YLPM1: variants seen among roughly 807,000 people sequenced by gnomAD.
YLPM1 encodes the protein YLP motif-containing protein 1.
Under a neutral mutation model 230.0 loss-of-function variants are expected in YLPM1, and 99 were observed. That is an observed-to-expected ratio of 0.43 (90% CI 0.37 to 0.51). The LOEUF (loss-of-function observed/expected upper bound fraction) is 0.51. Ranked by LOEUF, YLPM1 falls within the 20% of genes least tolerant of loss-of-function variation. The probability of loss-of-function intolerance (pLI) is 0.00; values close to 1 mark genes in which losing one functional copy is unlikely to be tolerated. For missense variants in YLPM1, 2,592 were observed against 2,707.7 expected, an observed-to-expected ratio of 0.96 and a Z score of 0.95; for synonymous variants, 984 against 942.5, an observed-to-expected ratio of 1.04 and a Z score of -0.81.
At chr14:74,775,635 TG>T (rs1477043781) in intron 1 of YLPM1, among the ~76,000 whole-genome samples, 1 of 152,212 alleles carries the variant, frequency 6.6e-6, no homozygotes, top group Non-Finnish European at 1.5e-5. Flanking sequence ...TTATATTTGA[TG>T]GAATTGTTAT....
intron 6 of YLPM1, among the ~76,000 whole-genome samples, chr14:74,805,134 C>T (rs1002301926): frequency 1.3e-5 from 2 of 151,808 alleles, no homozygotes; most frequent in African/African-American, 4.8e-5. Flanking sequence ...ATTCTCCTGC[C>T]TCAGCCTCCC....
chr14:74,832,337 A>G (rs2091613423), intron 19 of YLPM1, among the ~76,000 whole-genome samples: 1 of 152,212 alleles, frequency 6.6e-6, no homozygotes, highest in South Asian at 2.1e-4. Flanking sequence ...GAGTCCTCTT[A>G]AGGAGCTGAC....
chr14:74,827,802 C>G, intron 18 of YLPM1: 2 of 985,316 alleles, frequency 2.0e-6, no homozygotes, highest in Non-Finnish European at 2.4e-6. Context: ...AATACCATAA[C>G]CTGTGTCCCT....
At chr14:74,819,819 CT>C (rs2091507060) in intron 16 of YLPM1, among the ~76,000 whole-genome samples, 1 of 152,112 alleles carries the variant, frequency 6.6e-6, no homozygotes, top group Admixed American at 6.5e-5. Flanking sequence ...TTTCCTTTTA[CT>C]TTTTTGGCTA....
chr14:74,763,559 C>G lies in YLPM1; in HGVS notation c.70C>G (p.Pro24Ala), dbSNP rs1439398804. 6.4e-7 allele frequency: 1 copy of G among 1,559,122 alleles called. No homozygotes were observed. Among genetic ancestry groups the G allele is most frequent in the Non-Finnish European group, 8.7e-7 (1 of 1,151,288 alleles). Residue 24 changes from proline (P) to alanine (A), a missense_variant, in exon 1 of 21, where the codon CCA becomes GCA. By Grantham distance (27) the Pro-to-Ala change is conservative. Coordinates refer to ENST00000325680, the MANE Select transcript of YLPM1 (RefSeq NM_019589.3). Reference protein sequence around the residue: ...YPPPPVPPPPPVALPEASPGP... With the variant: ...YPPPPVPPPPAVALPEASPGP... Reference sequence around the variant, plus strand: ...GCCGCCACCGGTCCCACCGCCGCCGCCAGTGGCGCTTCCTGAGGCCTCGCC... The same window carrying G: ...GCCGCCACCGGTCCCACCGCCGCCGGCAGTGGCGCTTCCTGAGGCCTCGCC...
intron 6 of YLPM1, among the ~76,000 whole-genome samples, chr14:74,803,883 C>G (rs192397855): frequency 3.3e-5 from 5 of 152,224 alleles, no homozygotes; most frequent in Admixed American, 3.3e-4. Flanking sequence ...CTCGGCCAGG[C>G]GCGGTGGCTC....
rs768587141 is a variant in YLPM1 at position 74,798,746 on chromosome 14, C to G, written c.3449C>G (p.Pro1150Arg). ...GSRERGPPRG[P>R]GSRERGLGRS... The stretch of plus-strand genomic sequence containing the variant: ...AGGGAGAGAGGACCACCTCGAGGGC[C>G]TGGCAGTCGAGAAAGGGGACTGGGA... The change falls in exon 5 of 21, where the codon CCT (proline) becomes CGT (arginine). Residue 1150 changes from proline (P) to arginine (R), a missense_variant. Physicochemically the swap from Pro to Arg is moderately radical, Grantham distance 103. This residue lies in a region of YLPM1 where 1,862 missense variants were observed against 1,819.8 expected (regional missense o/e 1.02). Coordinates refer to ENST00000325680, the MANE Select transcript of YLPM1 (RefSeq NM_019589.3). 4.3e-6 allele frequency: 7 copies of G among 1,613,118 alleles called. No homozygotes were observed. The highest frequency in any genetic ancestry group is 5.9e-6 in the Non-Finnish European group (7 of 1,179,454).
At chr14:74,772,396 C>T (rs1225078732) in intron 1 of YLPM1, among the ~76,000 whole-genome samples, 1 of 150,814 alleles carries the variant, frequency 6.6e-6, no homozygotes, top group African/African-American at 2.4e-5. Flanking sequence ...CTCGCTCTCA[C>T]CCAGGCTGAA....
intron 4 of YLPM1, among the ~76,000 whole-genome samples, chr14:74,788,710 G>A (rs986660986): frequency 6.6e-6 from 1 of 152,066 alleles, no homozygotes; most frequent in African/African-American, 2.4e-5. Context: ...AGGCTTGGTG[G>A]CATGTGCCTG....
chr14:74,788,353 C>T (rs1050774206), intron 4 of YLPM1, among the ~76,000 whole-genome samples: 3 of 152,130 alleles, frequency 2.0e-5, no homozygotes, highest in African/African-American at 7.2e-5. Flanking sequence ...ATCTCCTGGC[C>T]TCGTGATCCA....
chr14:74,809,965 C>T lies in YLPM1; in HGVS notation c.4995C>T (p.Arg1665=), dbSNP rs374578792. Residue 1665 remains arginine (R), a synonymous_variant, in exon 8 of 21, where the codon CGC becomes CGT. Coordinates refer to ENST00000325680, the MANE Select transcript of YLPM1 (RefSeq NM_019589.3). The part of the protein sequence containing the change: ...QIPYGERITL[R]PDPLPERSTF... ...CTTATGGAGAAAGAATAACTCTACG[C>T]CCAGATCCACTACCTGAAAGATCAA... 1.1e-5 allele frequency: 17 copies of T among 1,609,098 alleles called. No homozygotes were observed. Among genetic ancestry groups the T allele is most frequent in the Middle Eastern group, 1.6e-4 (1 of 6,082 alleles).
Position 74,796,770 on chromosome 14 carries a change from T to C in YLPM1, c.2283-810T>C, listed in dbSNP as rs185940165. On this transcript the variant is annotated intron_variant, in intron 4 of 20. Transcript: ENST00000325680. ...TGTTTCTTTTTTTTTTTTTTTTAAC[T>C]TTTGTCAATCAAAATGTTAGTGCTA... Among the ~76,000 whole-genome samples the C allele has an allele frequency of 3.6e-3, 549 of 151,638 alleles. 2 individuals are homozygous for C. The highest frequency in any genetic ancestry group is 0.013 in the African/African-American group (524 of 41,418).
At chr14:74,782,825 G>C (rs1214898180) in intron 4 of YLPM1, among the ~76,000 whole-genome samples, 1 of 152,036 alleles carries the variant, frequency 6.6e-6, no homozygotes. Flanking sequence ...CTTGTACTTA[G>C]AGCAGTGAAT....
intron 1 of YLPM1, among the ~76,000 whole-genome samples, chr14:74,768,665 T>TA (rs1212620192): frequency 6.6e-6 from 1 of 152,260 alleles, no homozygotes; most frequent in Non-Finnish European, 1.5e-5. Context: ...TTTAAATACT[T>TA]ACGGACTAGC....
intron 6 of YLPM1, among the ~76,000 whole-genome samples, chr14:74,808,474 A>G (rs146209035): frequency 1.1e-4 from 17 of 152,240 alleles, no homozygotes; most frequent in African/African-American, 4.1e-4. Context: ...TTTCTTGGAT[A>G]GATACCGAGA....
intron 19 of YLPM1, among the ~76,000 whole-genome samples, chr14:74,830,201 G>A (rs1387192643): frequency 2.6e-5 from 4 of 152,148 alleles, no homozygotes; most frequent in Admixed American, 6.6e-5. Flanking sequence ...ACAGTGATGA[G>A]GCAGCAGAAA....
chr14:74,764,459 A>T (rs2090891277), intron 1 of YLPM1, 97 bp downstream of exon 1: 1 of 1,384,338 alleles, frequency 7.2e-7, no homozygotes, highest in Non-Finnish European at 9.6e-7. Context: ...ATTCCAACAC[A>T]CAATGACTAG....
chr14:74,821,314 A>G, intron 17 of YLPM1, 177 bp downstream of exon 17: 2 of 936,632 alleles, frequency 2.1e-6, no homozygotes, highest in Middle Eastern at 3.2e-4. Flanking sequence ...AGACCAAAAG[A>G]ACCCTCTAAT....
At chr14:74,824,144 A>T in intron 17 of YLPM1, 112 bp from the exon 18 acceptor site, 3 of 977,414 alleles carry the variant, frequency 3.1e-6, no homozygotes, top group Non-Finnish European at 4.7e-6. Flanking sequence ...ATTTACAGCT[A>T]GTCAGTGGAA....
Sources: allele counts gnomAD v4.1 joint callset (sites outside exome capture counted in the v4.1 genomes callset), GRCh38; gene constraint gnomAD v4.1.1; regional missense constraint gnomAD v4.1.1; transcripts MANE v1.5; gene names NCBI Gene and HGNC (gene_info 2026-07-23, HGNC 2026-07-21).